Variants in TMEM132C observed in about 807,000 individuals in gnomAD.
TMEM132C encodes the protein protein phosphatase 1, regulatory subunit 152.
Under a neutral mutation model 61.4 loss-of-function variants are expected in TMEM132C, and 29 were observed. The observed-to-expected ratio is 0.47, with a 90% CI of 0.35 to 0.64. TMEM132C has a LOEUF of 0.64. Among genes scored for constraint, TMEM132C ranks in the 30% least tolerant of loss-of-function variants. The probability of loss-of-function intolerance (pLI) is 0.00; values close to 1 mark genes in which losing one functional copy is unlikely to be tolerated. For synonymous variants in TMEM132C, 656 were observed against 633.1 expected (o/e 1.04, Z -0.54); for missense variants, 1,408 against 1,476.9 (o/e 0.95, Z 0.76).
intron 1 of TMEM132C, among the ~76,000 whole-genome samples, chr12:128,359,520 T>A (rs1275049113): frequency 6.6e-6 from 1 of 152,224 alleles, no homozygotes; most frequent in Non-Finnish European, 1.5e-5. Flanking sequence ...GTCATTTGCC[T>A]TTTTGAGGAG....
chr12:128,695,502 A>G (rs2135654388), intron 6 of TMEM132C, among the ~76,000 whole-genome samples: 1 of 152,338 alleles, frequency 6.6e-6, no homozygotes, highest in Admixed American at 6.5e-5. Context: ...TAGCCTGGAC[A>G]ACAGAGCAAG....
At chr12:128,544,297 C>T (rs992400996) in intron 3 of TMEM132C, among the ~76,000 whole-genome samples, 194 bp downstream of exon 3, 2 of 152,232 alleles carry the variant, frequency 1.3e-5, no homozygotes, top group African/African-American at 4.8e-5. Flanking sequence ...GTGGGGCGCT[C>T]GCTCTGCAGC....
chr12:128,550,461 A>T (rs1456808386), intron 3 of TMEM132C, among the ~76,000 whole-genome samples: 2 of 152,052 alleles, frequency 1.3e-5, no homozygotes, highest in African/African-American at 4.8e-5. Flanking sequence ...TGCACCACCA[A>T]GCCCAGCTAA....
chr12:128,388,413 C>G (rs1053528750), intron 1 of TMEM132C, among the ~76,000 whole-genome samples: 2 of 152,272 alleles, frequency 1.3e-5, no homozygotes, highest in African/African-American at 2.4e-5. Flanking sequence ...AAAGAAGTGG[C>G]ATCTTCCCTC....
Position 128,594,891 on chromosome 12 carries a change from C to G in TMEM132C, c.1122-21261C>G, listed in dbSNP as rs1165177650. 2.0e-5 allele frequency among the ~76,000 whole-genome samples: 3 copies of G among 152,210 alleles called. No individual in the cohort carries two copies. The East Asian group carries it at 5.8e-4, about 29-fold the overall frequency. On this transcript the variant is annotated intron_variant, in intron 3 of 8. Transcript: ENST00000435159. ...TGGCTTTTTCTAAATTGGAGGTCCCCTCGGATTGCTTCAGTAGAACAGCTA... is the reference window on the plus strand; with the variant it reads ...TGGCTTTTTCTAAATTGGAGGTCCCGTCGGATTGCTTCAGTAGAACAGCTA...
At chr12:128,344,024 C>T (rs567229329) in intron 1 of TMEM132C, among the ~76,000 whole-genome samples, 4 of 152,122 alleles carry the variant, frequency 2.6e-5, no homozygotes, top group Non-Finnish European at 5.9e-5. Context: ...ATGGATATTC[C>T]ACATTTAGTT....
At chr12:128,279,555 A>G (rs1018597815) in intron 1 of TMEM132C, among the ~76,000 whole-genome samples, 1 of 152,042 alleles carries the variant, frequency 6.6e-6, no homozygotes, top group Non-Finnish European at 1.5e-5. Flanking sequence ...CCTCATTTTC[A>G]ACCCCACACT....
intron 1 of TMEM132C, among the ~76,000 whole-genome samples, chr12:128,393,785 A>C (rs1434471699): frequency 1.3e-5 from 2 of 152,176 alleles, no homozygotes; most frequent in Admixed American, 1.3e-4. Flanking sequence ...TCAGATCAGC[A>C]TTGCAATCAG....
intron 1 of TMEM132C, among the ~76,000 whole-genome samples, chr12:128,400,590 CA>C (rs1441343835): frequency 4.5e-4 from 47 of 105,240 alleles, no homozygotes; most frequent in African/African-American, 1.6e-3. Context: ...CCCCCAACCC[CA>C]TTCTTTTGTT....
intron 1 of TMEM132C, among the ~76,000 whole-genome samples, chr12:128,295,494 T>C (rs1871377348): frequency 6.6e-6 from 1 of 151,992 alleles, no homozygotes; most frequent in African/African-American, 2.4e-5. Flanking sequence ...AAATAAATAA[T>C]GACCGCCTTG....
intron 2 of TMEM132C, among the ~76,000 whole-genome samples, chr12:128,498,155 C>T (rs1872033308): frequency 6.6e-6 from 1 of 151,960 alleles, no homozygotes; most frequent in Non-Finnish European, 1.5e-5. Context: ...ATTATGTTCT[C>T]CATAAAGGAG....
intron 4 of TMEM132C, among the ~76,000 whole-genome samples, chr12:128,622,343 CAAAAAA>C (rs71069584): frequency 2.3e-3 from 37 of 16,096 alleles, no homozygotes; most frequent in African/African-American, 7.7e-3. Context: ...GACTTTGTCT[CAAAAAA>C]AAAAAAAAAA....
chr12:128,322,112 A>G (rs1427784029), intron 1 of TMEM132C, among the ~76,000 whole-genome samples: 1 of 152,240 alleles, frequency 6.6e-6, no homozygotes, highest in Non-Finnish European at 1.5e-5. Flanking sequence ...TTATCTGATG[A>G]ATCAAATTTG....
chr12:128,490,045 C>G (rs1189836029), intron 2 of TMEM132C, among the ~76,000 whole-genome samples: 1 of 152,162 alleles, frequency 6.6e-6, no homozygotes, highest in African/African-American at 2.4e-5. Flanking sequence ...GCCGTTCCTT[C>G]AAGATATAAT....
At chr12:128,400,460 C>A (rs1404950250) in intron 1 of TMEM132C, among the ~76,000 whole-genome samples, 2 of 152,170 alleles carry the variant, frequency 1.3e-5, no homozygotes, top group African/African-American at 2.4e-5. Context: ...GCAGGGCTTT[C>A]CCAGCCCAGC....
intron 5 of TMEM132C, among the ~76,000 whole-genome samples, chr12:128,677,451 AC>A (rs1489086804): frequency 6.6e-6 from 1 of 152,070 alleles, no homozygotes; most frequent in Non-Finnish European, 1.5e-5. Flanking sequence ...CATGAATAGG[AC>A]ACTGCTGGAG....
intron 4 of TMEM132C, among the ~76,000 whole-genome samples, chr12:128,667,382 C>G (rs1414981573): frequency 6.6e-6 from 1 of 152,128 alleles, no homozygotes; most frequent in Non-Finnish European, 1.5e-5. Flanking sequence ...GAAAATAGAC[C>G]TGGGGAATTT....
At chr12:128,482,375 C>T (rs1358119867) in intron 2 of TMEM132C, among the ~76,000 whole-genome samples, 1 of 152,096 alleles carries the variant, frequency 6.6e-6, no homozygotes, top group Non-Finnish European at 1.5e-5. Context: ...ATTCGGTTTG[C>T]CAGTATTTTA....
intron 2 of TMEM132C, among the ~76,000 whole-genome samples, chr12:128,431,745 C>T (rs573197877): frequency 1.3e-5 from 2 of 151,998 alleles, no homozygotes; most frequent in African/African-American, 2.4e-5. Context: ...TTATTAGAGA[C>T]GGGGTTTCAC....
Sources: gnomAD v4.1 joint callset for allele counts (sites outside exome capture counted in the v4.1 genomes callset) on GRCh38, gnomAD v4.1.1 for gene constraint, MANE v1.5 for transcripts, NCBI Gene and HGNC (gene_info 2026-07-23, HGNC 2026-07-21) for gene names.